The following TES variants were observed in gnomAD, a reference collection of about 807,000 sequenced individuals.
TES encodes the protein testin LIM domain protein, also known as testin.
In TES, 41 loss-of-function variants were observed where a neutral mutation model predicts 48.2. The ratio of observed to expected loss-of-function variants is 0.85; its 90% confidence interval spans 0.66 to 1.10. The LOEUF is 1.10. TES is among the 50% of genes least tolerant of loss of function. The probability of loss-of-function intolerance (pLI) is 0.00; values close to 1 mark genes in which losing one functional copy is unlikely to be tolerated. For missense variants in TES, 463 were observed against 515.1 expected (o/e 0.90, Z 0.98); for synonymous variants, 162 against 174.9 (o/e 0.93, Z 0.58).
Position 116,251,966 on chromosome 7 carries a change from C to A in TES, c.909C>A (p.Gly303=). 1 of 1,614,168 alleles carries A rather than the reference C, an allele frequency of 6.2e-7. No individual in the cohort carries two copies. Among genetic ancestry groups the A allele is most frequent in the Non-Finnish European group, 8.5e-7 (1 of 1,180,024 alleles). The part of the protein sequence containing the change: ...YCDSEKPRCA[G]CDELIFSNEY... ...ACAGCGAGAAACCCCGATGTGCTGG[C>A]TGTGACGAGGTATGTTCTATGGGAC... Residue 303 remains glycine, a synonymous_variant, in exon 5 of 7, where the codon GGC becomes GGA. Transcript: ENST00000358204.
chr7:116,230,880 T>TC (rs1306776922), intron 1 of TES, among the ~76,000 whole-genome samples: 1 of 152,172 alleles, frequency 6.6e-6, no homozygotes, highest in Non-Finnish European at 1.5e-5. Context: ...GCTCAGCCTT[T>TC]CCATTGTAAT....
At chr7:116,219,021 T>C (rs531302462) in intron 1 of TES, among the ~76,000 whole-genome samples, 2 of 152,290 alleles carry the variant, frequency 1.3e-5, no homozygotes, top group East Asian at 3.9e-4. Flanking sequence ...CTTTGTGAAC[T>C]GCCACTTTGA....
At chr7:116,220,022 G>A (rs952595256) in intron 1 of TES, among the ~76,000 whole-genome samples, 10 of 152,046 alleles carry the variant, frequency 6.6e-5, no homozygotes, top group South Asian at 2.1e-4. Flanking sequence ...TGTGACTTCC[G>A]TGTTAAACGA....
At chr7:116,225,381 T>TA (rs1377982482) in intron 1 of TES, among the ~76,000 whole-genome samples, 22 of 152,278 alleles carry the variant, frequency 1.4e-4, no homozygotes, top group African/African-American at 4.8e-4. Context: ...TTAATACTGT[T>TA]ACTGCCTTAA....
intron 1 of TES, among the ~76,000 whole-genome samples, chr7:116,224,999 CT>C (rs1799604857): frequency 6.6e-6 from 1 of 151,922 alleles, no homozygotes; most frequent in Non-Finnish European, 1.5e-5. Flanking sequence ...TCTCAATTTC[CT>C]TTTTATGAAA....
Position 116,210,718 on chromosome 7 carries a change from A to G in TES, c.11A>G (p.Glu4Gly), listed in dbSNP as rs371172131. Residue 4 changes from glutamate (E) to glycine (G), a missense_variant, in exon 1 of 7, where the codon GAA becomes GGA. Coordinates refer to ENST00000358204, the MANE Select transcript of TES (RefSeq NM_015641.4). The stretch of plus-strand genomic sequence containing the variant: ...ATAGGACGCGTTAACATGGACCTGG[A>G]AAACAAAGTGAAGAAGGTAGGGGGG... MDLENKVKKMGLGH... is the reference protein window; with the variant it reads MDLGNKVKKMGLGH... The G allele has an allele frequency of 7.9e-7, 1 of 1,259,152 alleles. No individual in the cohort carries two copies. The highest frequency in any genetic ancestry group is 3.4e-5 in the South Asian group (1 of 29,238). 78.0% of individuals were successfully genotyped at this position (1,259,152 alleles called of 1,614,324 possible).
intron 1 of TES, among the ~76,000 whole-genome samples, chr7:116,232,373 A>G (rs948838952): frequency 6.6e-6 from 1 of 152,226 alleles, no homozygotes; most frequent in Non-Finnish European, 1.5e-5. Context: ...AAGAGAGTTT[A>G]AAAGCCTCTG....
At chr7:116,241,229 A>C (rs1019998526) in intron 2 of TES, among the ~76,000 whole-genome samples, 1 of 152,228 alleles carries the variant, frequency 6.6e-6, no homozygotes, top group African/African-American at 2.4e-5. Context: ...GTATTTCTAA[A>C]AGTAAAATGT....
intron 1 of TES, among the ~76,000 whole-genome samples, chr7:116,219,643 G>A (rs780068129): frequency 1.3e-5 from 2 of 152,148 alleles, no homozygotes; most frequent in Non-Finnish European, 2.9e-5. Flanking sequence ...GTCAAGGAGA[G>A]AAGTCCAGTC....
chr7:116,248,376 G>C (rs1442989544), intron 2 of TES, among the ~76,000 whole-genome samples: 1 of 152,172 alleles, frequency 6.6e-6, no homozygotes, highest in Non-Finnish European at 1.5e-5. Context: ...TCTCCAAACT[G>C]CTTTCCACAG....
In TES at chr7:116,251,744, A is replaced by G; in HGVS notation, c.703-16A>G. 1 of 1,611,240 alleles carries G rather than the reference A, an allele frequency of 6.2e-7. No individual in the cohort carries two copies. The highest frequency in any genetic ancestry group is 8.5e-7 in the Non-Finnish European group (1 of 1,177,628). ...TCTTCTAATGACTAGGTTGTTCTGG[A>G]TGGCTTCCCTTTCAGTCCTGCTATT... On this transcript the variant is annotated splice_polypyrimidine_tract_variant and intron_variant, in intron 4 of 6. Coordinates refer to ENST00000358204, the MANE Select transcript of TES (RefSeq NM_015641.4).
intron 1 of TES, chr7:116,211,604 A>T (rs1313851379): frequency 6.6e-6 from 1 of 152,232 alleles, no homozygotes; most frequent in Non-Finnish European, 1.5e-5. Flanking sequence ...TCCTCGTTCC[A>T]GGGGATTTGC....
At chr7:116,211,051 C>T (rs1227165880) in intron 1 of TES, 2 of 243,476 alleles carry the variant, frequency 8.2e-6, no homozygotes, top group Middle Eastern at 1.2e-3. Flanking sequence ...TTCAGCTCTG[C>T]CTGTGCCTCC....
In TES at chr7:116,249,047, C is replaced by T; in HGVS notation, c.141C>T (p.Gly47=). The change falls in exon 3 of 7, where the codon GGC becomes GGT. Residue 47 remains glycine, a synonymous_variant. Coordinates refer to ENST00000358204, the MANE Select transcript of TES (RefSeq NM_015641.4). ...WRKICRNCKC[G]QEEHDVLLSN... ...AAATATGTCGTAACTGCAAGTGTGGCCAAGAAGAGCATGATGTCCTCTTGA... is the reference window on the plus strand; with the variant it reads ...AAATATGTCGTAACTGCAAGTGTGGTCAAGAAGAGCATGATGTCCTCTTGA... 3 of 1,608,050 alleles carry T rather than the reference C, an allele frequency of 1.9e-6. No homozygotes were observed. The highest frequency in any genetic ancestry group is 2.6e-6 in the Non-Finnish European group (3 of 1,175,994).
At chr7:116,238,716 C>G (rs1799806520) in intron 2 of TES, among the ~76,000 whole-genome samples, 1 of 151,992 alleles carries the variant, frequency 6.6e-6, no homozygotes, top group African/African-American at 2.4e-5. Flanking sequence ...ATTCTCCTGC[C>G]TGCCTCCCGA....
chr7:116,240,691 CT>C (rs1040315568), intron 2 of TES, among the ~76,000 whole-genome samples: 1 of 152,086 alleles, frequency 6.6e-6, no homozygotes, highest in Non-Finnish European at 1.5e-5. Flanking sequence ...ATCCCCTTCC[CT>C]TTTTTTCCCC....
chr7:116,216,288 G>A (rs1316323259), intron 1 of TES, among the ~76,000 whole-genome samples: 1 of 152,118 alleles, frequency 6.6e-6, no homozygotes. Context: ...TAAGTCTCCA[G>A]TATATATAAA....
chr7:116,255,857 A>G (rs558405991), intron 6 of TES, among the ~76,000 whole-genome samples: 9 of 152,214 alleles, frequency 5.9e-5, no homozygotes, highest in Non-Finnish European at 1.3e-4. Context: ...TTGAAACATC[A>G]CATAGTACAC....
chr7:116,236,645 G>C (rs1799775965), intron 2 of TES, among the ~76,000 whole-genome samples: 1 of 152,082 alleles, frequency 6.6e-6, no homozygotes, highest in Admixed American at 6.5e-5. Context: ...GCCAAAAACC[G>C]CTCGTGAGAT....
Sources: allele counts gnomAD v4.1 joint callset (sites outside exome capture counted in the v4.1 genomes callset), GRCh38; gene constraint gnomAD v4.1.1; transcripts MANE v1.5; gene names NCBI Gene and HGNC (gene_info 2026-07-23, HGNC 2026-07-21).